Variants in MED16 observed in about 807,000 individuals in gnomAD.
MED16 encodes the protein mediator of RNA polymerase II transcription subunit 16.
Under a neutral mutation model 84.4 loss-of-function variants are expected in MED16, and 81 were observed. The observed-to-expected ratio is 0.96, with a 90% CI of 0.80 to 1.15. MED16 has a LOEUF of 1.15. Among genes scored for constraint, MED16 ranks in the 50% most tolerant of loss-of-function variants. The pLI, the probability that MED16 is intolerant of heterozygous loss-of-function variation, is 0.00. For missense variants in MED16, 1,585 were observed against 1,245.9 expected (o/e 1.27, Z -4.10); for synonymous variants, 897 against 552.2 (o/e 1.62, Z -8.76).
chr19:868,554 G>A (rs748158103), intron 14 of MED16, 55 bp from the exon 15 acceptor site: 110 of 1,589,048 alleles, frequency 6.9e-5, no homozygotes, highest in African/African-American at 4.4e-4. Context: ...CCTCCCTTAC[G>A]CCTGCCCCAC....
intron 6 of MED16, among the ~76,000 whole-genome samples, chr19:882,226 G>C (rs532087368): frequency 1.3e-5 from 2 of 152,376 alleles, no homozygotes; most frequent in East Asian, 3.9e-4. Context: ...AATGTGACAT[G>C]GCCGGGCACA....
Position 868,144 on chromosome 19 carries a change from G to T in MED16, c.2591C>A (p.Thr864Asn), listed in dbSNP as rs774574571. Reference sequence around the variant, plus strand: ...ATGCAGATGGTCCAGGGATCTGGGGGTCCTGGGAGAGTGGTGTGTGGACTG... The same window carrying T: ...ATGCAGATGGTCCAGGGATCTGGGGTTCCTGGGAGAGTGGTGTGTGGACTG... ...GPQSTHHSPR[T>N]PRSLDHLHPE... is the part of the protein sequence containing the mutation. Residue 864 changes from threonine to asparagine, a missense_variant, in exon 16 of 16, where the codon ACC becomes AAC. Coordinates refer to ENST00000325464, the MANE Select transcript of MED16 (RefSeq NM_005481.3). The T allele has an allele frequency of 1.2e-6, 2 of 1,611,752 alleles. No homozygotes were observed. Among genetic ancestry groups the T allele is most frequent in the Non-Finnish European group, 1.7e-6 (2 of 1,179,632 alleles).
Position 886,112 on chromosome 19 carries a change from C to G in MED16, c.537G>C (p.Trp179Cys), listed in dbSNP as rs1266413195. The change falls in exon 5 of 16, where the codon TGG becomes TGC. Residue 179 changes from tryptophan (W) to cysteine (C), a missense_variant. Trp to Cys is a radical substitution (Grantham distance 215). Coordinates refer to ENST00000325464, the MANE Select transcript of MED16 (RefSeq NM_005481.3). Reference protein sequence around the residue: ...TLFGGKPMEGWIAVTVSGLVT... With the variant: ...TLFGGKPMEGCIAVTVSGLVT... ...CCAGGCCGCTGACCGTCACCGCGAT[C>G]CAGCCCTCCATGGGCTTGCCGCCGA... 2.5e-6 allele frequency: 4 copies of G among 1,584,936 alleles called. No homozygotes were observed. Among genetic ancestry groups the G allele is most frequent in the Non-Finnish European group, 3.4e-6 (4 of 1,168,954 alleles).
rs766919677 is a variant in MED16 at position 872,035 on chromosome 19, G to T, written c.1989C>A (p.Arg663=). The T allele has an allele frequency of 6.2e-7, 1 of 1,610,108 alleles. No individual in the cohort carries two copies. The change falls in exon 12 of 16, where the codon CGC becomes CGA. Residue 663 remains arginine, a synonymous_variant. Coordinates refer to ENST00000325464, the MANE Select transcript of MED16 (RefSeq NM_005481.3). ...GMLRELMVVI[R]IWGLLKPSCL... ...AGCTGGGCTTCAGAAGGCCCCAGAT[G>T]CGGATGACCACCATCAATTCCCGAA...
intron 13 of MED16, among the ~76,000 whole-genome samples, chr19:870,674 C>T (rs2036026400): frequency 6.6e-6 from 1 of 151,592 alleles, no homozygotes; most frequent in East Asian, 2.0e-4. Flanking sequence ...GTTAGGGGCA[C>T]CTAGAAGGAA....
rs2036144641 is a variant in MED16 at position 873,377 on chromosome 19, GCAGGGA to G, written c.1905+66_1905+71del. On this transcript the variant is annotated intron_variant, in intron 11 of 15. Coordinates refer to ENST00000325464, the MANE Select transcript of MED16 (RefSeq NM_005481.3). The stretch of plus-strand genomic sequence containing the variant: ...GCTGAGGTGGTTTTGAGGGGCAGGG[GCAGGGA>G]AGCGGGGTCCTGATGAGATGGGGGC... 2.7e-6 allele frequency: 4 copies of G among 1,493,816 alleles called. No individual in the cohort carries two copies. The South Asian group carries it at 3.5e-5, about 13-fold the overall frequency. 92.5% of individuals were successfully genotyped at this position (1,493,816 alleles called of 1,614,324 possible).
At position 871,061 on chromosome 19, in the gene MED16, G is replaced by C; in HGVS notation, c.2291C>G (p.Thr764Ser). Reference sequence around the variant, plus strand: ...CCTGGCGAGGCCGTCGAGCTGCAGGGTGGCAGCACTGCCAGGCAGCGTGGG... The same window carrying C: ...CCTGGCGAGGCCGTCGAGCTGCAGGCTGGCAGCACTGCCAGGCAGCGTGGG... ...RAPTLPGSAA[T>S]LQLDGLARAP... is the part of the protein sequence containing the mutation. Residue 764 changes from threonine (T) to serine (S), a missense_variant, in exon 13 of 16, where the codon ACC becomes AGC. Physicochemically the swap from Thr to Ser is moderately conservative, Grantham distance 58 (BLOSUM62 1). Transcript: ENST00000325464. The C allele has an allele frequency of 6.5e-7, 1 of 1,545,244 alleles. No homozygotes were observed. The highest frequency in any genetic ancestry group is 8.7e-7 in the Non-Finnish European group (1 of 1,143,710).
At chr19:882,464 C>CAGTG (rs1211498864) in intron 6 of MED16, among the ~76,000 whole-genome samples, 2 of 152,184 alleles carry the variant, frequency 1.3e-5, no homozygotes, top group African/African-American at 4.8e-5. Context: ...GATGAGGCTG[C>CAGTG]AGTGAGCCAA....
intron 9 of MED16, among the ~76,000 whole-genome samples, chr19:875,842 G>C (rs570834876): frequency 6.6e-6 from 1 of 152,318 alleles, no homozygotes; most frequent in East Asian, 1.9e-4. Context: ...CCCTGGTCTA[G>C]AGAGAATGAA....
At chr19:889,540 C>A in intron 4 of MED16, 98 bp downstream of exon 4, 1 of 1,457,730 alleles carries the variant, frequency 6.9e-7, no homozygotes. Flanking sequence ...GTCCAAAAAA[C>A]CAGGGGATGC....
intron 13 of MED16, among the ~76,000 whole-genome samples, chr19:870,790 G>T (rs1387106855): frequency 6.7e-6 from 1 of 149,402 alleles, no homozygotes; most frequent in East Asian, 2.0e-4. Context: ...GGATTCGGGG[G>T]GACCCGGGGC....
At chr19:887,464 G>A (rs1369659534) in intron 4 of MED16, among the ~76,000 whole-genome samples, 2 of 151,724 alleles carry the variant, frequency 1.3e-5, no homozygotes, top group South Asian at 2.1e-4. Flanking sequence ...TCAGGAGTTC[G>A]ACACCATCCT....
At chr19:884,689 G>A (rs992861396) in intron 6 of MED16, among the ~76,000 whole-genome samples, 1 of 152,232 alleles carries the variant, frequency 6.6e-6, no homozygotes, top group Admixed American at 6.5e-5. Flanking sequence ...GGGCGTGGAA[G>A]GATGGAGGAG....
chr19:870,185 C>T (rs2036012363), intron 13 of MED16, among the ~76,000 whole-genome samples: 1 of 152,174 alleles, frequency 6.6e-6, no homozygotes, highest in African/African-American at 2.4e-5. Flanking sequence ...TACGGCGAGG[C>T]CTGACATCCA....
intron 6 of MED16, among the ~76,000 whole-genome samples, chr19:883,728 G>A (rs151071484): frequency 9.8e-4 from 149 of 152,204 alleles, no homozygotes; most frequent in African/African-American, 2.6e-3. Context: ...CGTGCCCAGC[G>A]GGGGCACCGG....
intron 8 of MED16, among the ~76,000 whole-genome samples, chr19:878,549 G>A (rs1392027162): frequency 2.7e-4 from 25 of 92,054 alleles, no homozygotes; most frequent in South Asian, 3.5e-4. Context: ...GGTTGTCAAT[G>A]CCCACCAGCC....
In MED16 at chr19:875,354, A is replaced by G. The variant is rs1308184088; in HGVS notation, c.1661T>C (p.Ile554Thr). The change falls in exon 10 of 16, where the codon ATC becomes ACC. Residue 554 changes from isoleucine to threonine, a missense_variant. Transcript: ENST00000325464. ...CGACTTCAGGGTGGAGCTGATGGCGATGAGGAAGAGCTTGGTGTGGTAGTC... is the reference window on the plus strand; with the variant it reads ...CGACTTCAGGGTGGAGCTGATGGCGGTGAGGAAGAGCTTGGTGTGGTAGTC... The part of the protein sequence containing the change: ...VCDYHTKLFL[I>T]AISSTLKSLL... The G allele has an allele frequency of 6.2e-7, 1 of 1,610,150 alleles. No individual in the cohort carries two copies.
Position 889,803 on chromosome 19 carries a change from G to A in MED16, c.282C>T (p.Ser94=). 1 of 1,609,788 alleles carries A rather than the reference G, an allele frequency of 6.2e-7. No individual in the cohort carries two copies. Among genetic ancestry groups the A allele is most frequent in the Non-Finnish European group, 8.5e-7 (1 of 1,178,702 alleles). Residue 94 remains serine (S), a synonymous_variant, in exon 4 of 16, where the codon TCC becomes TCT. Coordinates refer to ENST00000325464, the MANE Select transcript of MED16 (RefSeq NM_005481.3). ...ITCLEWDQSG[S]RLLSADADGQ... ...CGTCGGCATCTGCTGACAGGAGCCG[G>A]GAGCCTGAGGGCAAGAAGCCATCAT...
intron 11 of MED16, chr19:872,871 G>T (rs1052426936): frequency 2.5e-6 from 2 of 796,520 alleles, no homozygotes; most frequent in African/African-American, 1.9e-5. Context: ...GCGGGGCTTT[G>T]AGAATGGGCA....
Sources: gnomAD v4.1 joint callset for allele counts (sites outside exome capture counted in the v4.1 genomes callset) on GRCh38, gnomAD v4.1.1 for gene constraint, MANE v1.5 for transcripts, NCBI Gene and HGNC (gene_info 2026-07-23, HGNC 2026-07-21) for gene names.